The following SPATC1 variants were observed in gnomAD, a reference collection of about 807,000 sequenced individuals.
SPATC1 encodes spermatogenesis and centriole associated 1, also known as speriolin.
Under a neutral mutation model 36.5 loss-of-function variants are expected in SPATC1, and 35 were observed. The observed-to-expected ratio is 0.96, with a 90% CI of 0.73 to 1.27. The LOEUF is 1.27. SPATC1 is among the 50% of genes most tolerant of loss of function. The pLI, the probability that SPATC1 is intolerant of heterozygous loss-of-function variation, is 0.00. For missense variants in SPATC1, 779 were observed against 796.0 expected (o/e 0.98, Z 0.26); for synonymous variants, 361 against 353.6 (o/e 1.02, Z -0.24).
chr8:144,043,347 T>TG (rs1284645167), intron 4 of SPATC1, among the ~76,000 whole-genome samples: 2 of 151,288 alleles, frequency 1.3e-5, no homozygotes, highest in East Asian at 3.9e-4. Flanking sequence ...AGAGGCCAGA[T>TG]CTTGGCTCAC....
At chr8:144,033,588 A>G (rs1247191179) in intron 1 of SPATC1, among the ~76,000 whole-genome samples, 8 of 152,096 alleles carry the variant, frequency 5.3e-5, no homozygotes, top group Non-Finnish European at 1.0e-4. Context: ...GAAATTGTGG[A>G]GCTCTCTAAT....
chr8:144,041,410 T>G (rs1406904801), intron 4 of SPATC1, 39 bp downstream of exon 4: 1 of 1,596,898 alleles, frequency 6.3e-7, no homozygotes, highest in East Asian at 2.2e-5. Context: ...GGGGGCAGGT[T>G]GGCCCATGAG....
intron 1 of SPATC1, among the ~76,000 whole-genome samples, chr8:144,038,676 T>C (rs755464598): frequency 2.6e-5 from 4 of 152,078 alleles, no homozygotes; most frequent in African/African-American, 4.8e-5. Flanking sequence ...GGTCTCTCCA[T>C]ATTGAGCAGG....
At chr8:144,044,447 G>A (rs188574261) in intron 4 of SPATC1, among the ~76,000 whole-genome samples, 5,879 of 150,428 alleles carry the variant, frequency 0.039, 394 homozygotes, top group African/African-American at 0.14. Flanking sequence ...GACTACAGGC[G>A]CCCGCCACCA....
rs1375374930 is a variant in SPATC1 at position 144,016,867 on chromosome 8, G to A, written c.211+4141G>A. Among the ~76,000 whole-genome samples, 1 of 152,114 alleles carries A rather than the reference G, an allele frequency of 6.6e-6. No individual in the cohort carries two copies. Among genetic ancestry groups the A allele is most frequent in the Non-Finnish European group, 1.5e-5 (1 of 68,020 alleles). The stretch of plus-strand genomic sequence containing the variant: ...GGTCTCATGTCGGCCTCAAACTCCC[G>A]ACTTCAGGTGATCCGCCCACCTTGG... On this transcript the variant is annotated intron_variant, in intron 1 of 4. Coordinates refer to ENST00000377470, the MANE Select transcript of SPATC1 (RefSeq NM_198572.3). This position sits in a 1 kb window ranked among gnomAD's most constrained non-coding sequence, Gnocchi z 4.5.
chr8:144,042,311 A>ATATTTTTTTT (rs1412021347), intron 4 of SPATC1, among the ~76,000 whole-genome samples: 18 of 23,888 alleles, frequency 7.5e-4, no homozygotes, highest in South Asian at 3.3e-3. Context: ...ATATATATAT[A>ATATTTTTTTT]TTTTTTTTTT....
chr8:144,040,040 A>G lies in SPATC1; in HGVS notation c.343A>G (p.Ser115Gly), dbSNP rs782655756. The G allele has an allele frequency of 6.2e-7, 1 of 1,613,690 alleles. No individual in the cohort carries two copies. Among genetic ancestry groups the G allele is most frequent in the Non-Finnish European group, 8.5e-7 (1 of 1,179,992 alleles). The change falls in exon 2 of 5, where the codon AGC (serine) becomes GGC (glycine). Residue 115 changes from serine to glycine, a missense_variant. Transcript: ENST00000377470. ...QPSATPGSLM[S>G]PLTGTLSTLL... Reference sequence around the variant, plus strand: ...CAGCGCCACACCGGGCTCACTCATGAGCCCCCTGACAGGCACCCTCAGCAC... The same window carrying G: ...CAGCGCCACACCGGGCTCACTCATGGGCCCCCTGACAGGCACCCTCAGCAC...
chr8:144,014,008 T>C (rs1303540231), intron 1 of SPATC1, among the ~76,000 whole-genome samples: 1 of 152,072 alleles, frequency 6.6e-6, no homozygotes, highest in Non-Finnish European at 1.5e-5. Context: ...CCCAGCACTT[T>C]GGGAGGCCAA....
At position 144,016,583 on chromosome 8, in the gene SPATC1, G is replaced by A. The variant is rs1400720192; in HGVS notation, c.211+3857G>A. Among the ~76,000 whole-genome samples, 3 of 151,968 alleles carry A rather than the reference G, an allele frequency of 2.0e-5. No homozygotes were observed. The highest frequency in any genetic ancestry group is 2.1e-4 in the South Asian group (1 of 4,822). ...GGGGCTTGGACTTGCTCCTGAAGGC[G>A]CTAAGAAGACACTGATGGTTTTTGT... On this transcript the variant is annotated intron_variant, in intron 1 of 4. Coordinates refer to ENST00000377470, the MANE Select transcript of SPATC1 (RefSeq NM_198572.3). The surrounding 1 kb of genome is among the most constrained non-coding windows in gnomAD (Gnocchi z 4.5).
Position 144,030,643 on chromosome 8 carries a change from G to A in SPATC1, c.212-9266G>A, listed in dbSNP as rs1290652163. Among the ~76,000 whole-genome samples the A allele has an allele frequency of 2.6e-5, 4 of 152,272 alleles. No individual in the cohort carries two copies. The East Asian group carries it at 7.7e-4, about 29-fold the overall frequency. ...CAAAGTGCTGTGATTACAGGCATGA[G>A]CCACCATGCCTGGCCTGCTGTTTAT... is the stretch of plus-strand genomic sequence containing the variant. On this transcript the variant is annotated intron_variant, in intron 1 of 4. Coordinates refer to ENST00000377470, the MANE Select transcript of SPATC1 (RefSeq NM_198572.3).
chr8:144,037,103 G>C (rs1162196881), intron 1 of SPATC1, among the ~76,000 whole-genome samples: 94 of 133,608 alleles, frequency 7.0e-4, no homozygotes, highest in Non-Finnish European at 1.4e-3. Flanking sequence ...TGGGCGGGGG[G>C]CTGACCCCCG....
At chr8:144,014,595 G>A (rs940007086) in intron 1 of SPATC1, among the ~76,000 whole-genome samples, 59 of 152,102 alleles carry the variant, frequency 3.9e-4, no homozygotes, top group Non-Finnish European at 2.8e-4. Flanking sequence ...ATTCTTAAGG[G>A]AATCCTTGGA....
intron 1 of SPATC1, among the ~76,000 whole-genome samples, chr8:144,028,353 T>A (rs1296412237): frequency 7.2e-6 from 1 of 139,674 alleles, no homozygotes; most frequent in Non-Finnish European, 1.6e-5. Context: ...CTCAAACAAA[T>A]TTACAAGAAA....
rs190166370 is a variant in SPATC1, at chr8:144,038,775, A to C, written c.212-1134A>C. Among the ~76,000 whole-genome samples the C allele has an allele frequency of 4.1e-4, 63 of 152,316 alleles. No homozygotes were observed. In the South Asian group the frequency reaches 4.1e-3, roughly 10 times the overall value. On this transcript the variant is annotated intron_variant, in intron 1 of 4. Coordinates refer to ENST00000377470, the MANE Select transcript of SPATC1 (RefSeq NM_198572.3). ...TACTATTACATGACCCATGAAATCC[A>C]AAATGTCGTATTCATCCATAAAGGT...
intron 1 of SPATC1, among the ~76,000 whole-genome samples, chr8:144,032,134 AGGC>A (rs1834810343): frequency 6.6e-6 from 1 of 151,820 alleles, no homozygotes; most frequent in Admixed American, 6.6e-5. Flanking sequence ...GAGGTCTCTT[AGGC>A]TTTATTCATT....
chr8:144,025,673 G>C (rs1194657747), intron 1 of SPATC1, among the ~76,000 whole-genome samples: 1 of 152,192 alleles, frequency 6.6e-6, no homozygotes, highest in East Asian at 1.9e-4. Context: ...TTGCAGTCAT[G>C]AACCCAAAGG....
chr8:144,012,839 G>T lies in SPATC1; in HGVS notation c.211+113G>T, dbSNP rs139549561. Reference sequence around the variant, plus strand: ...TCATGGAGGGAGTGCCCTTCTCCTTGCCCTCTCTGCTCTAACACACTCAGC... The same window carrying T: ...TCATGGAGGGAGTGCCCTTCTCCTTTCCCTCTCTGCTCTAACACACTCAGC... On this transcript the variant is annotated intron_variant, in intron 1 of 4. Transcript: ENST00000377470. 899 of 1,093,032 alleles carry T rather than the reference G, an allele frequency of 8.2e-4. 4 individuals carry two copies. The African/African-American group carries it at 0.012, about 14-fold the overall frequency. The allele number at this position is 1,093,032 out of a possible 1,614,324, so 67.7% of individuals were successfully genotyped here.
chr8:144,013,743 G>T (rs932634207), intron 1 of SPATC1, among the ~76,000 whole-genome samples: 4 of 152,148 alleles, frequency 2.6e-5, no homozygotes, highest in Non-Finnish European at 5.9e-5. Flanking sequence ...ATGACCTGAG[G>T]TCAGGAGTTT....
At chr8:144,023,052 CA>C (rs1834575782) in intron 1 of SPATC1, among the ~76,000 whole-genome samples, 1 of 148,460 alleles carries the variant, frequency 6.7e-6, no homozygotes, top group Admixed American at 6.7e-5. Context: ...AGGACCCTCC[CA>C]CCTCAGGTCC....
Sources: allele counts gnomAD v4.1 joint callset (sites outside exome capture counted in the v4.1 genomes callset), GRCh38; gene constraint gnomAD v4.1.1; non-coding constraint Gnocchi (gnomAD v3.1); transcripts MANE v1.5; gene names NCBI Gene and HGNC (gene_info 2026-07-23, HGNC 2026-07-21).